Variants in RASSF6 observed in about 807,000 individuals in gnomAD.
RASSF6 encodes ras association domain-containing protein 6.
A neutral mutation model predicts 44.0 loss-of-function variants in RASSF6; 52 were observed. That is an observed-to-expected ratio of 1.18 (90% CI 0.95 to 1.49). The LOEUF is 1.49. RASSF6 is among the 40% of genes most tolerant of loss of function. The pLI, the probability that RASSF6 is intolerant of heterozygous loss-of-function variation, is 0.00. For missense variants in RASSF6, 464 were observed against 393.3 expected, an observed-to-expected ratio of 1.18 and a Z score of -1.52; for synonymous variants, 162 against 124.6, an observed-to-expected ratio of 1.30 and a Z score of -2.00.
Position 73,581,822 on chromosome 4 carries a change from G to C in RASSF6, c.716C>G (p.Thr239Arg), listed in dbSNP as rs746820960. ...GTGTGATCAAGCTTTCTTACCTCCT[G>C]TTGCAAAAATAATGTGAAGAGCAAA... is the stretch of plus-strand genomic sequence containing the variant. ...QDFALHIIFA[T>R]GEQRRLKKTD... is the part of the protein sequence containing the mutation. The change falls in exon 8 of 11, where the codon ACA becomes AGA. Residue 239 changes from threonine (T) to arginine (R), a missense_variant. Thr to Arg is a moderately conservative substitution (Grantham distance 71). Coordinates refer to ENST00000307439, the MANE Select transcript of RASSF6 (RefSeq NM_177532.5). 1 of 1,607,722 alleles carries C rather than the reference G, an allele frequency of 6.2e-7. No homozygotes were observed. The highest frequency in any genetic ancestry group is 1.1e-5 in the South Asian group (1 of 90,710).
At chr4:73,609,168 T>C (rs1528914) in intron 2 of RASSF6, among the ~76,000 whole-genome samples, 152,207 of 152,346 alleles carry the variant, frequency 1, 76,034 homozygotes, top group Non-Finnish European at 1. Flanking sequence ...ATCTGGTTGG[T>C]ATTCTAAAAC....
At chr4:73,591,387 T>G (rs1724546590) in intron 4 of RASSF6, among the ~76,000 whole-genome samples, 1 of 152,216 alleles carries the variant, frequency 6.6e-6, no homozygotes, top group African/African-American at 2.4e-5. Context: ...TCCTTTAATG[T>G]TTGATATTTA....
chr4:73,596,376 C>T (rs1030703485), intron 3 of RASSF6, among the ~76,000 whole-genome samples: 96 of 152,128 alleles, frequency 6.3e-4, no homozygotes, highest in African/African-American at 2.0e-3. Context: ...CCCAAACAAA[C>T]TCCCACAAAA....
intron 5 of RASSF6, among the ~76,000 whole-genome samples, chr4:73,585,896 A>G (rs1225525204): frequency 6.6e-6 from 1 of 151,074 alleles, no homozygotes; most frequent in Admixed American, 6.6e-5. Context: ...GGTTAGTTAC[A>G]TATGTATACA....
At chr4:73,579,863 AT>A (rs1184135981) in intron 8 of RASSF6, among the ~76,000 whole-genome samples, 3 of 151,506 alleles carry the variant, frequency 2.0e-5, no homozygotes, top group Non-Finnish European at 2.9e-5. Context: ...TCTTTATTTT[AT>A]TTTATTTTAT....
In RASSF6 at chr4:73,576,005, T is replaced by C; in HGVS notation, c.*230A>G. 1 of 392,586 alleles carries C rather than the reference T, an allele frequency of 2.5e-6. No individual in the cohort carries two copies. The highest frequency in any genetic ancestry group is 5.6e-5 in the South Asian group (1 of 17,838). The allele number at this position is 392,586 out of a possible 1,614,324, so 24.3% of individuals were successfully genotyped here. A position where few individuals can be genotyped will look rare whatever the true frequency, so the allele number is the denominator to read the frequency against. The stretch of plus-strand genomic sequence containing the variant: ...TATAAAAGCTATTTGGCATATGCAG[T>C]ATTCAAGCTTATTTCAGTTACTGAA... On this transcript the variant is annotated 3_prime_UTR_variant, in exon 11 of 11. Transcript: ENST00000307439.
intron 4 of RASSF6, among the ~76,000 whole-genome samples, chr4:73,591,951 A>G (rs532524240): frequency 2.0e-5 from 3 of 152,206 alleles, no homozygotes; most frequent in South Asian, 4.2e-4. Context: ...CAAAAATACA[A>G]TTGACTGCAT....
intron 4 of RASSF6, among the ~76,000 whole-genome samples, chr4:73,589,195 A>C (rs560784114): frequency 6.6e-6 from 1 of 152,290 alleles, no homozygotes; most frequent in African/African-American, 2.4e-5. Flanking sequence ...AAGCTGTACT[A>C]TTCAGAATAC....
At chr4:73,617,368 G>T (rs188496346) in intron 1 of RASSF6, among the ~76,000 whole-genome samples, 14 of 152,312 alleles carry the variant, frequency 9.2e-5, no homozygotes, top group Admixed American at 1.3e-4. Flanking sequence ...AACGGTCAGA[G>T]AAGCAAATTT....
At position 73,576,323 on chromosome 4, in the gene RASSF6, A is replaced by G. The variant is rs754732475; in HGVS notation, c.939-13T>C. The G allele has an allele frequency of 6.6e-7, 1 of 1,521,418 alleles. No homozygotes were observed. Among genetic ancestry groups the G allele is most frequent in the Non-Finnish European group, 9.1e-7 (1 of 1,104,336 alleles). 94.2% of individuals were successfully genotyped at this position (1,521,418 alleles called of 1,614,324 possible). On this transcript the variant is annotated splice_polypyrimidine_tract_variant and intron_variant, in intron 10 of 10. Coordinates refer to ENST00000307439, the MANE Select transcript of RASSF6 (RefSeq NM_177532.5). ...TTCTTTATTGAATCTGAAAATGAGA[A>G]GAAGAAAGACTATTAAAAATTGGAC...
chr4:73,616,227 A>ATCTG (rs200004026), intron 1 of RASSF6, among the ~76,000 whole-genome samples: 1 of 138,684 alleles, frequency 7.2e-6, no homozygotes, highest in East Asian at 2.1e-4. Flanking sequence ...ATCTATATCT[A>ATCTG]TCTATCTATC....
intron 1 of RASSF6, among the ~76,000 whole-genome samples, chr4:73,617,902 T>C (rs1288379229): frequency 6.6e-6 from 1 of 152,210 alleles, no homozygotes; most frequent in African/African-American, 2.4e-5. Context: ...TAAGCTTTTA[T>C]ATGAAGCCCA....
intron 3 of RASSF6, 112 bp from the exon 4 acceptor site, chr4:73,593,705 G>A: frequency 1.4e-6 from 1 of 704,522 alleles, no homozygotes. Flanking sequence ...AGATTAAAAA[G>A]AAACGCCAGG....
At chr4:73,602,073 C>T (rs552482090) in intron 2 of RASSF6, among the ~76,000 whole-genome samples, 9 of 152,106 alleles carry the variant, frequency 5.9e-5, no homozygotes, top group Non-Finnish European at 1.3e-4. Context: ...TGAAAAGGGA[C>T]ATGTAGCTAT....
At position 73,620,284 on chromosome 4, in the gene RASSF6, T is replaced by C. The variant is rs1235438543; in HGVS notation, c.-35+4A>G. On this transcript the variant is annotated splice_donor_region_variant and intron_variant, in intron 1 of 10. Coordinates refer to ENST00000307439, the MANE Select transcript of RASSF6 (RefSeq NM_177532.5). ...AAGTTTTTTTCCCCATCCCCATTTT[T>C]TACCTGTTATTCACACTGTGAGCAG... The C allele has an allele frequency of 7.1e-7, 1 of 1,410,494 alleles. No individual in the cohort carries two copies. The highest frequency in any genetic ancestry group is 1.5e-5 in the African/African-American group (1 of 67,034). 87.4% of individuals were successfully genotyped at this position (1,410,494 alleles called of 1,614,324 possible).
At position 73,582,289 on chromosome 4, in the gene RASSF6, G is replaced by C; in HGVS notation, c.569C>G (p.Thr190Arg). ...SINGHFYNHE[T>R]SIFIPAFESE... ...TTCAAAGGCTGGAATGAAAATTGAT[G>C]TCTAGAAAAAGAATTGTCACATAAG... is the stretch of plus-strand genomic sequence containing the variant. Residue 190 changes from threonine to arginine, a missense_variant and splice_region_variant, in exon 7 of 11, where the codon ACA (threonine) becomes AGA (arginine). Physicochemically the swap from Thr to Arg is moderately conservative, Grantham distance 71. Transcript: ENST00000307439. 1 of 1,527,902 alleles carries C rather than the reference G, an allele frequency of 6.5e-7. No individual in the cohort carries two copies. The highest frequency in any genetic ancestry group is 1.2e-5 in the South Asian group (1 of 85,366). The allele number at this position is 1,527,902 out of a possible 1,614,324, so 94.6% of individuals were successfully genotyped here. A position where few individuals can be genotyped will look rare whatever the true frequency, so the allele number is the denominator to read the frequency against.
At position 73,587,910 on chromosome 4, in the gene RASSF6, G is replaced by T. The variant is rs564196327; in HGVS notation, c.312C>A (p.Asp104Glu). ...SKGMTRWGEF[D>E]DLYRISELDR... is the part of the protein sequence containing the mutation. ...CCAGCTCACTAATACGATAGAGATC[G>T]TCAAATTCCCCCCAGCGTGTCATTC... is the stretch of plus-strand genomic sequence containing the variant. The change falls in exon 5 of 11, where the codon GAC (aspartate) becomes GAA (glutamate). Residue 104 changes from aspartate (D) to glutamate (E), a missense_variant. By Grantham distance (45) the Asp-to-Glu change is conservative. Coordinates refer to ENST00000307439, the MANE Select transcript of RASSF6 (RefSeq NM_177532.5). 1 of 1,608,652 alleles carries T rather than the reference G, an allele frequency of 6.2e-7. No homozygotes were observed. The highest frequency in any genetic ancestry group is 1.7e-5 in the Admixed American group (1 of 59,854).
intron 4 of RASSF6, among the ~76,000 whole-genome samples, chr4:73,589,552 CA>C: frequency 6.6e-6 from 1 of 151,710 alleles, no homozygotes; most frequent in Non-Finnish European, 1.5e-5. Flanking sequence ...TATAGGAGGC[CA>C]AAAGTCATCC....
rs1332659051 is a variant in RASSF6, at chr4:73,576,286, T to C, written c.963A>G (p.Ile321Met). ...VTKFNKEKAI[I>M]LKCLQNKLVI... ...CTAGTTTATTTTGAAGACATTTCAG[T>C]ATAATCGCCTTTTCTTTATTGAATC... The change falls in exon 11 of 11, where the codon ATA becomes ATG. Residue 321 changes from isoleucine (I) to methionine (M), a missense_variant. By Grantham distance (10) the Ile-to-Met change is conservative (BLOSUM62 1). Transcript: ENST00000307439. 6.4e-7 allele frequency: 1 copy of C among 1,562,790 alleles called. No individual in the cohort carries two copies. The highest frequency in any genetic ancestry group is 8.8e-7 in the Non-Finnish European group (1 of 1,137,550).
Sources: gnomAD v4.1 joint callset for allele counts (sites outside exome capture counted in the v4.1 genomes callset) on GRCh38, gnomAD v4.1.1 for gene constraint, MANE v1.5 for transcripts, NCBI Gene and HGNC (gene_info 2026-07-23, HGNC 2026-07-21) for gene names.